HAUS6: variants seen among roughly 807,000 people sequenced by gnomAD.
The protein encoded by HAUS6 is HAUS augmin-like complex subunit 6.
HAUS6 carries 80 observed loss-of-function variants against 106.8 expected under a neutral mutation model. That is an observed-to-expected ratio of 0.75 (90% CI 0.63 to 0.90). HAUS6 has a LOEUF of 0.90. HAUS6 is among the 40% of genes least tolerant of loss of function. The pLI is 0.00. For missense variants in HAUS6, 1,155 were observed against 1,118.1 expected (o/e 1.03, Z -0.47); for synonymous variants, 356 against 379.1 (o/e 0.94, Z 0.71).
chr9:19,096,973 G>A (rs1482467208), intron 1 of HAUS6, among the ~76,000 whole-genome samples: 1 of 152,068 alleles, frequency 6.6e-6, no homozygotes, highest in Non-Finnish European at 1.5e-5. Flanking sequence ...TGAAAACACA[G>A]ATTCAATATA....
intron 12 of HAUS6, among the ~76,000 whole-genome samples, chr9:19,069,872 G>T (rs1480930930): frequency 6.6e-6 from 1 of 152,108 alleles, no homozygotes; most frequent in East Asian, 1.9e-4. Flanking sequence ...CCGGCAGGAG[G>T]ATCACTTGAG....
intron 8 of HAUS6, among the ~76,000 whole-genome samples, 175 bp from the exon 9 acceptor site, chr9:19,080,847 C>T (rs1467695034): frequency 6.6e-6 from 1 of 151,998 alleles, no homozygotes; most frequent in Non-Finnish European, 1.5e-5. Context: ...GTGGTGGGGG[C>T]GGATCACCTG....
chr9:19,074,821 T>A (rs370939890), intron 11 of HAUS6, among the ~76,000 whole-genome samples: 11 of 152,310 alleles, frequency 7.2e-5, no homozygotes, highest in African/African-American at 2.6e-4. Flanking sequence ...TCCTTATCTA[T>A]CCTCTATTTA....
rs72696478 is a variant in HAUS6 at position 19,092,265 on chromosome 9, T to C, written c.436+906A>G. On this transcript the variant is annotated intron_variant, in intron 4 of 16. Transcript: ENST00000380502. The stretch of plus-strand genomic sequence containing the variant: ...TGAGCACAGGGGTTCAAGACCAGCC[T>C]GGGAAATATGGTGTAACCCTGGTAT... 2.6e-3 allele frequency among the ~76,000 whole-genome samples: 396 copies of C among 150,090 alleles called. 1 individual carries two copies. The highest frequency in any genetic ancestry group is 3.9e-3 in the Admixed American group (58 of 14,800).
At chr9:19,086,355 T>C (rs1837295759) in intron 7 of HAUS6, among the ~76,000 whole-genome samples, 1 of 151,236 alleles carries the variant, frequency 6.6e-6, no homozygotes, top group African/African-American at 2.4e-5. Context: ...GCGCGGTGGC[T>C]CATGCCTGTA....
chr9:19,056,333 G>T lies in HAUS6; in HGVS notation c.*10C>A, dbSNP rs374328391. 19 of 1,231,984 alleles carry T rather than the reference G, an allele frequency of 1.5e-5. No individual in the cohort carries two copies. Among genetic ancestry groups the T allele is most frequent in the Non-Finnish European group, 8.4e-6 (7 of 834,066 alleles). 76.3% of individuals were successfully genotyped at this position (1,231,984 alleles called of 1,614,324 possible). ...TAAGTGCATCATAGTTATATTAAAT[G>T]GGTACGTCTTCATCTTGTCAAGTCA... On this transcript the variant is annotated 3_prime_UTR_variant, in exon 17 of 17. Transcript: ENST00000380502.
chr9:19,091,795 G>A (rs1817755455), intron 4 of HAUS6, among the ~76,000 whole-genome samples: 1 of 152,066 alleles, frequency 6.6e-6, no homozygotes, highest in African/African-American at 2.4e-5. Flanking sequence ...CCAAGTAGCT[G>A]GGATTACAGG....
intron 9 of HAUS6, among the ~76,000 whole-genome samples, chr9:19,079,336 A>G (rs1837084360): frequency 6.7e-6 from 1 of 149,672 alleles, no homozygotes; most frequent in Non-Finnish European, 1.5e-5. Flanking sequence ...GGTTCAAGTG[A>G]TTCTCCTGCC....
In HAUS6 at chr9:19,096,562, C is replaced by G; in HGVS notation, c.224+112G>C. 4 of 448,278 alleles carry G rather than the reference C, an allele frequency of 8.9e-6. No homozygotes were observed. The East Asian group carries it at 1.5e-4, about 17-fold the overall frequency. The allele number at this position is 448,278 out of a possible 1,614,324, so 27.8% of individuals were successfully genotyped here. On this transcript the variant is annotated intron_variant, in intron 2 of 16. Coordinates refer to ENST00000380502, the MANE Select transcript of HAUS6 (RefSeq NM_017645.5). ...CCTCGATGACGGAGTGAGACTCCGT[C>G]TCAAAAAAAAAAAAAAAAAAAAAAA...
intron 4 of HAUS6, among the ~76,000 whole-genome samples, chr9:19,090,180 G>A (rs982519311): frequency 2.6e-5 from 4 of 151,472 alleles, no homozygotes; most frequent in African/African-American, 9.7e-5. Context: ...TTTTAAGGCA[G>A]GCAACTAAAA....
intron 11 of HAUS6, among the ~76,000 whole-genome samples, chr9:19,075,481 C>G (rs1242803858): frequency 6.6e-6 from 1 of 152,226 alleles, no homozygotes; most frequent in African/African-American, 2.4e-5. Flanking sequence ...TGGTGCCTCA[C>G]ACCTATAATC....
Position 19,102,884 on chromosome 9 carries a change from A to T in HAUS6, c.-233T>A. On this transcript the variant is annotated 5_prime_UTR_variant, in exon 1 of 17. Coordinates refer to ENST00000380502, the MANE Select transcript of HAUS6 (RefSeq NM_017645.5). ...CACTGCCTCAGCGAAGCCACCACAA[A>T]CCGAGACTCCCGCCCTTAAGGAAGA... 1 of 372,870 alleles carries T rather than the reference A, an allele frequency of 2.7e-6. No homozygotes were observed. The highest frequency in any genetic ancestry group is 4.6e-5 in the East Asian group (1 of 21,872). 23.1% of individuals were successfully genotyped at this position (372,870 alleles called of 1,614,324 possible). A position where few individuals can be genotyped will look rare whatever the true frequency, so the allele number is the denominator to read the frequency against.
intron 1 of HAUS6, among the ~76,000 whole-genome samples, chr9:19,100,838 C>T (rs965612003): frequency 4.6e-5 from 7 of 151,856 alleles, no homozygotes; most frequent in African/African-American, 1.5e-4. Flanking sequence ...AAACCAGGCA[C>T]GGAAAGACAA....
chr9:19,067,697 T>G (rs965009339), intron 12 of HAUS6, among the ~76,000 whole-genome samples: 1 of 152,180 alleles, frequency 6.6e-6, no homozygotes, highest in African/African-American at 2.4e-5. Flanking sequence ...GAATTTTGTT[T>G]TTCTTTTTCA....
intron 3 of HAUS6, among the ~76,000 whole-genome samples, chr9:19,093,934 T>G (rs921372727): frequency 6.6e-6 from 1 of 152,152 alleles, no homozygotes; most frequent in Non-Finnish European, 1.5e-5. Context: ...AACCACAAGT[T>G]ACATGTTTTG....
chr9:19,057,315 G>A (rs1273938353), intron 16 of HAUS6: 1 of 152,238 alleles, frequency 6.6e-6, no homozygotes, highest in Non-Finnish European at 1.5e-5. Flanking sequence ...AATACCATGT[G>A]ACAATGGAGG....
At chr9:19,093,502 G>A (rs182494177) in intron 3 of HAUS6, among the ~76,000 whole-genome samples, 199 bp from the exon 4 acceptor site, 2 of 152,346 alleles carry the variant, frequency 1.3e-5, no homozygotes, top group Admixed American at 1.3e-4. Context: ...CAACTGTGCA[G>A]CAGAGTGCAA....
chr9:19,074,313 CTAGAGCATTGTGCAGTGGAGCAGTAA>C (rs1836943408), intron 11 of HAUS6, among the ~76,000 whole-genome samples: 1 of 152,094 alleles, frequency 6.6e-6, no homozygotes, highest in Non-Finnish European at 1.5e-5. Context: ...GTTGTCCAGG[CTAGAGCATTGTGCAGTGGAGCAGTAA>C]TAGATCATTG....
At chr9:19,100,213 C>T (rs1386808108) in intron 1 of HAUS6, among the ~76,000 whole-genome samples, 1 of 151,520 alleles carries the variant, frequency 6.6e-6, no homozygotes, top group East Asian at 1.9e-4. Flanking sequence ...AGAATTAAAA[C>T]TAGCCAGGCG....
Sources: allele counts gnomAD v4.1 joint callset (sites outside exome capture counted in the v4.1 genomes callset), GRCh38; gene constraint gnomAD v4.1.1; transcripts MANE v1.5; gene names NCBI Gene and HGNC (gene_info 2026-07-23, HGNC 2026-07-21).